PDE7B: variants seen among roughly 807,000 people sequenced by gnomAD.
PDE7B encodes 3',5'-cyclic-AMP phosphodiesterase 7B.
Under a neutral mutation model 56.2 loss-of-function variants are expected in PDE7B, and 29 were observed. The ratio of observed to expected loss-of-function variants is 0.52; its 90% CI spans 0.38 to 0.70. The LOEUF is 0.70. Among genes scored for constraint, PDE7B ranks in the 30% least tolerant of loss-of-function variants. The probability of loss-of-function intolerance (pLI) is 0.00; values close to 1 mark genes in which losing one functional copy is unlikely to be tolerated. For missense variants in PDE7B, 490 were observed against 565.0 expected, an observed-to-expected ratio of 0.87 and a Z score of 1.35; for synonymous variants, 197 against 196.9, an observed-to-expected ratio of 1.00 and a Z score of 0.00.
chr6:136,074,309 A>G (rs376802666), intron 2 of PDE7B, among the ~76,000 whole-genome samples: 2 of 151,970 alleles, frequency 1.3e-5, no homozygotes, highest in Non-Finnish European at 2.9e-5. Context: ...TTGTGGGCAC[A>G]TAGTAAGGGT....
chr6:136,061,306 A>C (rs1776834999), intron 2 of PDE7B, among the ~76,000 whole-genome samples: 1 of 152,206 alleles, frequency 6.6e-6, no homozygotes, highest in Admixed American at 6.5e-5. Flanking sequence ...CGTTACATTT[A>C]GTTGACTAGA....
chr6:135,872,409 T>G (rs1775400946), intron 1 of PDE7B, among the ~76,000 whole-genome samples: 1 of 152,196 alleles, frequency 6.6e-6, no homozygotes, highest in South Asian at 2.1e-4. Flanking sequence ...TTTTTAAAAA[T>G]ATTTTCAATT....
intron 1 of PDE7B, among the ~76,000 whole-genome samples, chr6:135,889,730 C>T (rs1192934829): frequency 7.6e-5 from 11 of 144,080 alleles, no homozygotes; most frequent in Non-Finnish European, 1.2e-4. Flanking sequence ...CGTGAGCCAC[C>T]GCACCCAGAC....
chr6:136,152,238 A>G (rs930465857), intron 6 of PDE7B, among the ~76,000 whole-genome samples: 8 of 152,206 alleles, frequency 5.3e-5, no homozygotes, highest in African/African-American at 1.7e-4. Flanking sequence ...TTCAAAGAAG[A>G]TACTGGTCTG....
intron 7 of PDE7B, among the ~76,000 whole-genome samples, chr6:136,155,091 T>C (rs2128447750): frequency 6.6e-6 from 1 of 152,352 alleles, no homozygotes; most frequent in South Asian, 2.1e-4. Flanking sequence ...TTTTCCTAGC[T>C]AACCAGAAAA....
At position 136,192,416 on chromosome 6, in the gene PDE7B, A is replaced by G. The variant is rs1022427129; in HGVS notation, c.*576A>G. The G allele has an allele frequency of 2.6e-5, 4 of 152,254 alleles. No homozygotes were observed. The highest frequency in any genetic ancestry group is 4.8e-5 in the African/African-American group (2 of 41,472). 9.4% of individuals were successfully genotyped at this position (152,254 alleles called of 1,614,324 possible). A position where few individuals can be genotyped will look rare whatever the true frequency, so the allele number is the denominator to read the frequency against. ...GGATCTGCAACTTTGGACTAAGGTC[A>G]TTCAATGTACCCAAACTTGAACAGG... On this transcript the variant is annotated 3_prime_UTR_variant, in exon 13 of 13. Coordinates refer to ENST00000308191, the MANE Select transcript of PDE7B (RefSeq NM_018945.4).
At chr6:135,858,740 A>G (rs1562413109) in intron 1 of PDE7B, among the ~76,000 whole-genome samples, 1 of 152,120 alleles carries the variant, frequency 6.6e-6, no homozygotes, top group Non-Finnish European at 1.5e-5. Context: ...ATTATTTGAG[A>G]TCTTTCTCCA....
chr6:135,856,511 A>C (rs1775030291), intron 1 of PDE7B, among the ~76,000 whole-genome samples: 2 of 152,188 alleles, frequency 1.3e-5, no homozygotes, highest in Admixed American at 6.5e-5. Context: ...GTTTTGGTGA[A>C]TTGATTGTCC....
chr6:135,853,482 C>G (rs1026420645), intron 1 of PDE7B, among the ~76,000 whole-genome samples: 1 of 152,184 alleles, frequency 6.6e-6, no homozygotes, highest in Admixed American at 6.5e-5. Context: ...TTATTACTGG[C>G]TGGTGAAACA....
intron 9 of PDE7B, among the ~76,000 whole-genome samples, chr6:136,176,933 T>A (rs1778987310): frequency 6.6e-6 from 1 of 152,208 alleles, no homozygotes; most frequent in Non-Finnish European, 1.5e-5. Context: ...AATATCACTT[T>A]ATTTTTTGAG....
intron 11 of PDE7B, among the ~76,000 whole-genome samples, chr6:136,185,127 A>T (rs1465687544): frequency 2.6e-5 from 4 of 152,110 alleles, no homozygotes; most frequent in African/African-American, 7.2e-5. Flanking sequence ...GATCATCTGG[A>T]GTTGAAGAGT....
chr6:136,021,666 A>G (rs1290063587), intron 2 of PDE7B, among the ~76,000 whole-genome samples: 2 of 151,908 alleles, frequency 1.3e-5, no homozygotes, highest in African/African-American at 4.8e-5. Context: ...AAAATCCTGA[A>G]ACTGTTTATT....
chr6:136,049,913 T>C (rs1343833725), intron 2 of PDE7B, among the ~76,000 whole-genome samples: 1 of 150,318 alleles, frequency 6.7e-6, no homozygotes, highest in Non-Finnish European at 1.5e-5. Flanking sequence ...TGAAAATGGG[T>C]CTTTGAGAGG....
At chr6:136,171,729 T>C (rs1052321285) in intron 8 of PDE7B, among the ~76,000 whole-genome samples, 29 of 151,778 alleles carry the variant, frequency 1.9e-4, no homozygotes, top group African/African-American at 7.0e-4. Flanking sequence ...GCTGGTGTGC[T>C]GCACCCATTA....
At chr6:136,152,762 C>T (rs1778541405) in intron 6 of PDE7B, among the ~76,000 whole-genome samples, 1 of 152,198 alleles carries the variant, frequency 6.6e-6, no homozygotes, top group South Asian at 2.1e-4. Flanking sequence ...TGGAGGCTGA[C>T]TTAATGCCAT....
chr6:136,189,107 T>C lies in PDE7B; in HGVS notation c.1126+1991T>C, dbSNP rs9494465. On this transcript the variant is annotated intron_variant, in intron 12 of 12. Transcript: ENST00000308191. ...CCTCTCTGACTGAAATGTTCCCCTG[T>C]TTTTCCTGCCTCAATCCAAAATGAG... is the stretch of plus-strand genomic sequence containing the variant. Among the ~76,000 whole-genome samples, 845 of 152,288 alleles carry C rather than the reference T, an allele frequency of 5.5e-3. 18 individuals are homozygous for C. The highest frequency in any genetic ancestry group is 0.019 in the African/African-American group (800 of 41,550).
chr6:135,970,381 T>C (rs922882391), intron 2 of PDE7B, among the ~76,000 whole-genome samples: 2 of 151,916 alleles, frequency 1.3e-5, no homozygotes, highest in Non-Finnish European at 2.9e-5. Context: ...TGGAATGGGA[T>C]GAACAAGAGG....
chr6:135,916,087 CAT>C (rs1773927985), intron 1 of PDE7B, among the ~76,000 whole-genome samples: 1 of 152,202 alleles, frequency 6.6e-6, no homozygotes. Context: ...ACTACACAGT[CAT>C]AAAGTAGGTA....
intron 4 of PDE7B, 77 bp downstream of exon 4, chr6:136,147,579 G>C: frequency 8.0e-7 from 1 of 1,251,566 alleles, no homozygotes; most frequent in East Asian, 2.3e-5. Flanking sequence ...ACTGGTGTTG[G>C]AGTCCTACTC....
Sources: allele counts gnomAD v4.1 joint callset (sites outside exome capture counted in the v4.1 genomes callset), GRCh38; gene constraint gnomAD v4.1.1; transcripts MANE v1.5; gene names NCBI Gene and HGNC (gene_info 2026-07-23, HGNC 2026-07-21).